ARHGAP11B: variants seen among roughly 807,000 people sequenced by gnomAD.
ARHGAP11B encodes inactive Rho GTPase-activating protein 11B.
ARHGAP11B carries 14 observed loss-of-function variants against 27.6 expected under a neutral mutation model. That is an observed-to-expected ratio of 0.51 (90% confidence interval 0.34 to 0.79). The LOEUF (loss-of-function observed/expected upper bound fraction) is 0.79. Among genes scored for constraint, ARHGAP11B ranks in the 30% least tolerant of loss-of-function variants. The probability of loss-of-function intolerance (pLI) is 0.02; values close to 1 mark genes in which losing one functional copy is unlikely to be tolerated. For missense variants in ARHGAP11B, 245 were observed against 320.1 expected (o/e 0.77, Z 1.79); for synonymous variants, 82 against 114.1 (o/e 0.72, Z 1.80).
chr15:30,636,041 T>C (rs2060277874), intron 6 of ARHGAP11B, among the ~76,000 whole-genome samples: 2 of 151,058 alleles, frequency 1.3e-5, no homozygotes, highest in African/African-American at 2.4e-5. Flanking sequence ...GATAGCGCAG[T>C]ATGACTTGAG....
intron 2 of ARHGAP11B, among the ~76,000 whole-genome samples, chr15:30,631,153 AT>A (rs958843220): frequency 2.0e-5 from 3 of 151,322 alleles, no homozygotes; most frequent in Non-Finnish European, 2.9e-5. Context: ...TGTTAAAAAT[AT>A]TTTTTTAACT....
At chr15:30,644,736 C>A in intron 8 of ARHGAP11B, 13 of 878,418 alleles carry the variant, frequency 1.5e-5, no homozygotes, top group Non-Finnish European at 1.8e-5. Flanking sequence ...AACATGTAGA[C>A]TGTCTGTATA....
intron 8 of ARHGAP11B, among the ~76,000 whole-genome samples, chr15:30,644,924 G>T (rs1412520622): frequency 6.6e-6 from 1 of 151,980 alleles, no homozygotes; most frequent in Non-Finnish European, 1.5e-5. Context: ...TCTTGTGTGT[G>T]GGGAGGTTCC....
intron 7 of ARHGAP11B, among the ~76,000 whole-genome samples, chr15:30,643,748 T>C (rs1471540598): frequency 1.3e-5 from 2 of 152,108 alleles, no homozygotes; most frequent in African/African-American, 4.8e-5. Flanking sequence ...AATGGGAATA[T>C]GCATTTTAGT....
chr15:30,633,405 G>A (rs1374097295), intron 2 of ARHGAP11B, 85 bp from the exon 3 acceptor site: 3 of 1,248,088 alleles, frequency 2.4e-6, no homozygotes, highest in Non-Finnish European at 3.4e-6. Context: ...TGAAAGGTCT[G>A]TAGTGCTTGG....
chr15:30,648,200 C>G (rs2060363091), intron 10 of ARHGAP11B, among the ~76,000 whole-genome samples: 1 of 152,030 alleles, frequency 6.6e-6, no homozygotes, highest in Non-Finnish European at 1.5e-5. Flanking sequence ...CCACCCTTAT[C>G]TGTCCCTCAT....
chr15:30,633,847 A>G (rs1310645147), intron 3 of ARHGAP11B, among the ~76,000 whole-genome samples: 2 of 151,672 alleles, frequency 1.3e-5, no homozygotes, highest in Non-Finnish European at 2.9e-5. Context: ...GTTAAGTTAT[A>G]TTGTTGTTAG....
At chr15:30,646,356 G>A (rs1566784825) in intron 9 of ARHGAP11B, 4 of 344,198 alleles carry the variant, frequency 1.2e-5, no homozygotes, top group Non-Finnish European at 1.7e-5. Context: ...GCTCAAACAA[G>A]TGCTAAAATA....
intron 8 of ARHGAP11B, among the ~76,000 whole-genome samples, chr15:30,645,889 T>C (rs2060344621): frequency 6.6e-6 from 1 of 152,072 alleles, no homozygotes; most frequent in Non-Finnish European, 1.5e-5. Context: ...TTTGAAAGCA[T>C]AGTTTTCCAT....
chr15:30,642,374 G>A (rs564950352), intron 7 of ARHGAP11B, among the ~76,000 whole-genome samples: 1 of 152,030 alleles, frequency 6.6e-6, no homozygotes. Context: ...TTGAGCTTCT[G>A]TTGTACCAGT....
chr15:30,635,503 T>C (rs1017922301), exon 6 of ARHGAP11B: 3 of 1,613,330 alleles, frequency 1.9e-6, no homozygotes, highest in East Asian at 2.2e-5. Flanking sequence ...TACCAGACTT[T>C]ATCCTGGAAA....
intron 7 of ARHGAP11B, among the ~76,000 whole-genome samples, chr15:30,641,915 C>A (rs192608001): frequency 2.0e-5 from 3 of 151,848 alleles, no homozygotes; most frequent in African/African-American, 7.3e-5. Flanking sequence ...TGGGATTTCA[C>A]CATGTTGGCC....
At chr15:30,648,415 G>T (rs1251611574) in exon 11 of ARHGAP11B, among the ~76,000 whole-genome samples, 1 of 151,894 alleles carries the variant, frequency 6.6e-6, no homozygotes, top group African/African-American at 2.4e-5. Flanking sequence ...TCTGTTTCCT[G>T]GGGAGGGTGA....
intron 9 of ARHGAP11B, among the ~76,000 whole-genome samples, chr15:30,647,042 A>T (rs1326752697): frequency 6.6e-6 from 1 of 151,944 alleles, no homozygotes; most frequent in African/African-American, 2.4e-5. Context: ...TGAACTGCCC[A>T]TGTGGAATGG....
chr15:30,646,144 A>ATTTCAGTCTT (rs1566784643), exon 9 of ARHGAP11B: 11 of 1,048,882 alleles, frequency 1.0e-5, no homozygotes, highest in Non-Finnish European at 2.3e-6. Context: ...AAAGACCAAG[A>ATTTCAGTCTT]TTGGAATGAC....
At chr15:30,630,590 T>A in intron 1 of ARHGAP11B, 113 bp from the exon 2 acceptor site, 1 of 1,559,764 alleles carries the variant, frequency 6.4e-7, no homozygotes, top group Non-Finnish European at 8.7e-7. Flanking sequence ...TGATAGTTTA[T>A]CATTTATTTC....
At chr15:30,639,812 A>G (rs2060304120) in intron 7 of ARHGAP11B, among the ~76,000 whole-genome samples, 1 of 151,928 alleles carries the variant, frequency 6.6e-6, no homozygotes, top group Non-Finnish European at 1.5e-5. Flanking sequence ...AATTTATATA[A>G]ATGGATTGTA....
At chr15:30,634,756 T>G (rs988442539) in intron 4 of ARHGAP11B, among the ~76,000 whole-genome samples, 1 of 151,346 alleles carries the variant, frequency 6.6e-6, no homozygotes, top group African/African-American at 2.4e-5. Flanking sequence ...GTGAGCCTGC[T>G]TATTCTAGAC....
rs749657802 is a variant in ARHGAP11B, at chr15:30,635,490, G to A, written c.664G>A (p.Val222Met). The A allele has an allele frequency of 3.0e-5, 49 of 1,613,100 alleles. No homozygotes were observed. Among genetic ancestry groups the A allele is most frequent in the African/African-American group, 1.2e-4 (9 of 74,788 alleles). ...ACTTGTGAACATTTTCATTTAGGGC[G>A]TGTACCAGACTTTATCCTGGAAAAG... is the stretch of plus-strand genomic sequence containing the variant. The change falls in exon 6 of 11, where the codon GTG becomes ATG. Residue 222 changes from valine (V) to methionine (M), a missense_variant. Around this residue, in one of 3 missense-constraint regions of ARHGAP11B, gnomAD observed 129 missense variants for 159.9 expected, o/e 0.81. Coordinates refer to ENST00000428041, the Ensembl canonical transcript of ARHGAP11B.
Sources: allele counts gnomAD v4.1 joint callset (sites outside exome capture counted in the v4.1 genomes callset), GRCh38; gene constraint gnomAD v4.1.1; regional missense constraint gnomAD v4.1.1; transcripts MANE v1.5; gene names NCBI Gene and HGNC (gene_info 2026-07-23, HGNC 2026-07-21).